Variants in TMEM132D observed in about 807,000 individuals in gnomAD.
TMEM132D encodes the protein mature OL transmembrane protein.
A neutral mutation model predicts 62.3 loss-of-function variants in TMEM132D; 21 were observed. The observed-to-expected ratio is 0.34, with a 90% CI of 0.24 to 0.49. The LOEUF (loss-of-function observed/expected upper bound fraction) is 0.49, where lower values mean the gene tolerates loss of function less well. Among genes scored for constraint, TMEM132D ranks in the 20% least tolerant of loss-of-function variants. The probability of loss-of-function intolerance (pLI) is 0.99; values close to 1 mark genes in which losing one functional copy is unlikely to be tolerated. For missense variants in TMEM132D, 1,346 were observed against 1,402.8 expected (o/e 0.96, Z 0.65); for synonymous variants, 621 against 575.6 (o/e 1.08, Z -1.13).
At chr12:129,214,721 A>G (rs1032828278) in intron 4 of TMEM132D, among the ~76,000 whole-genome samples, 1 of 152,236 alleles carries the variant, frequency 6.6e-6, no homozygotes, top group Admixed American at 6.5e-5. Context: ...AACATCATTG[A>G]TCACTAGAGA....
intron 7 of TMEM132D, among the ~76,000 whole-genome samples, chr12:129,080,998 C>T (rs1467232853): frequency 6.6e-6 from 1 of 152,164 alleles, no homozygotes; most frequent in Non-Finnish European, 1.5e-5. Context: ...TGTTCAGGTT[C>T]TCATCAGGCC....
chr12:129,413,193 A>C (rs1872020387), intron 3 of TMEM132D, among the ~76,000 whole-genome samples: 1 of 152,082 alleles, frequency 6.6e-6, no homozygotes, highest in Admixed American at 6.5e-5. Flanking sequence ...TAATTTCCTC[A>C]TGTTGTGGGA....
At chr12:129,456,797 G>T (rs896033036) in intron 3 of TMEM132D, among the ~76,000 whole-genome samples, 1 of 152,096 alleles carries the variant, frequency 6.6e-6, no homozygotes, top group African/African-American at 2.4e-5. Flanking sequence ...CTGGTTTTGT[G>T]TTTCTGGTTG....
intron 1 of TMEM132D, among the ~76,000 whole-genome samples, chr12:129,864,283 G>C (rs1873990685): frequency 6.6e-6 from 1 of 152,188 alleles, no homozygotes; most frequent in Admixed American, 6.5e-5. Context: ...GTCAGCCTTG[G>C]AATCTCTCAG....
At chr12:129,080,357 A>G (rs1780906990) in intron 7 of TMEM132D, among the ~76,000 whole-genome samples, 1 of 152,182 alleles carries the variant, frequency 6.6e-6, no homozygotes. Context: ...CACTCAGAGG[A>G]AAATCAGCTG....
At position 129,531,115 on chromosome 12, in the gene TMEM132D, T is replaced by G. The variant is rs1593053623; in HGVS notation, c.1059A>C (p.Gly353=). The stretch of plus-strand genomic sequence containing the variant: ...AAACGATGACAGCTGGTGCATACTT[T>G]CCAGTATAATCCGTGCGCTCCTTGA... ...WDVKERTDYT[G]KYAPAVIVCQ... The change falls in exon 3 of 9, where the codon GGA becomes GGC. Residue 353 remains glycine, a synonymous_variant. Coordinates refer to ENST00000422113, the MANE Select transcript of TMEM132D (RefSeq NM_133448.3). 1.2e-6 allele frequency: 2 copies of G among 1,614,070 alleles called. No individual in the cohort carries two copies. The highest frequency in any genetic ancestry group is 4.5e-5 in the East Asian group (2 of 44,876).
intron 1 of TMEM132D, among the ~76,000 whole-genome samples, chr12:129,774,233 C>T (rs1870848184): frequency 6.6e-6 from 1 of 152,148 alleles, no homozygotes; most frequent in African/African-American, 2.4e-5. Flanking sequence ...TTGTACATGG[C>T]CATTAGGATA....
At chr12:129,793,177 T>A (rs1047964876) in intron 1 of TMEM132D, among the ~76,000 whole-genome samples, 3 of 151,976 alleles carry the variant, frequency 2.0e-5, no homozygotes, top group Non-Finnish European at 4.4e-5. Flanking sequence ...CCTCCCAGAC[T>A]GCCAGGATTA....
At chr12:129,662,791 CAAAAAAAAA>C (rs34743737) in intron 2 of TMEM132D, among the ~76,000 whole-genome samples, 3 of 69,404 alleles carry the variant, frequency 4.3e-5, no homozygotes, top group Admixed American at 2.3e-4. Context: ...GATTCCATCT[CAAAAAAAAA>C]AAAAAAAAAA....
intron 3 of TMEM132D, among the ~76,000 whole-genome samples, chr12:129,355,433 G>A (rs1337816350): frequency 6.6e-6 from 1 of 152,076 alleles, no homozygotes; most frequent in African/African-American, 2.4e-5. Context: ...GTGGAGGGGT[G>A]GGTGGGGGAA....
At chr12:129,387,610 C>T (rs1469659939) in intron 3 of TMEM132D, among the ~76,000 whole-genome samples, 1 of 152,136 alleles carries the variant, frequency 6.6e-6, no homozygotes, top group South Asian at 2.1e-4. Context: ...AACACTAACA[C>T]TAATGCCACC....
chr12:129,599,280 C>T (rs1318070239), intron 2 of TMEM132D, among the ~76,000 whole-genome samples: 1 of 152,186 alleles, frequency 6.6e-6, no homozygotes, highest in African/African-American at 2.4e-5. Flanking sequence ...CTGTCACTTG[C>T]AATTAACATA....
intron 4 of TMEM132D, 113 bp downstream of exon 4, chr12:129,337,521 T>C: frequency 7.7e-7 from 1 of 1,300,232 alleles, no homozygotes; most frequent in Non-Finnish European, 1.1e-6. Context: ...TTTCTCACTG[T>C]CCTGATTCTT....
At chr12:129,613,952 C>A (rs1565923172) in intron 2 of TMEM132D, among the ~76,000 whole-genome samples, 1 of 151,880 alleles carries the variant, frequency 6.6e-6, no homozygotes, top group Non-Finnish European at 1.5e-5. Context: ...CAACTGTCTC[C>A]AGAACGCAGG....
chr12:129,287,434 T>G (rs1881332734), intron 4 of TMEM132D, among the ~76,000 whole-genome samples: 1 of 152,192 alleles, frequency 6.6e-6, no homozygotes, highest in Non-Finnish European at 1.5e-5. Context: ...TGCTAAAATT[T>G]GTGGGCAAAA....
chr12:129,813,393 TA>T (rs1872247109), intron 1 of TMEM132D, among the ~76,000 whole-genome samples: 2 of 151,698 alleles, frequency 1.3e-5, no homozygotes, highest in Admixed American at 1.3e-4. Context: ...TTCCTGTGAA[TA>T]AAATCTAATG....
intron 2 of TMEM132D, among the ~76,000 whole-genome samples, chr12:129,627,871 C>T (rs1386362115): frequency 6.6e-6 from 1 of 151,972 alleles, no homozygotes; most frequent in Non-Finnish European, 1.5e-5. Flanking sequence ...CCTGGAGATC[C>T]AGCTACTTTC....
chr12:129,381,364 A>T (rs182457280), intron 3 of TMEM132D, among the ~76,000 whole-genome samples: 4 of 152,358 alleles, frequency 2.6e-5, no homozygotes, highest in Admixed American at 2.6e-4. Flanking sequence ...TGAAAGGATT[A>T]TCTAACTTTG....
At chr12:129,313,378 T>C (rs1882028366) in intron 4 of TMEM132D, among the ~76,000 whole-genome samples, 2 of 152,154 alleles carry the variant, frequency 1.3e-5, no homozygotes, top group African/African-American at 4.8e-5. Flanking sequence ...CTTTGCATCC[T>C]CATAGCTTAG....
Sources: allele counts gnomAD v4.1 joint callset (sites outside exome capture counted in the v4.1 genomes callset), GRCh38; gene constraint gnomAD v4.1.1; transcripts MANE v1.5; gene names NCBI Gene and HGNC (gene_info 2026-07-23, HGNC 2026-07-21).